Variants in ZFHX3 observed in about 807,000 individuals in gnomAD.
ZFHX3 encodes the protein zinc finger homeobox protein 3.
In ZFHX3, 42 loss-of-function variants were observed where a neutral mutation model predicts 279.1. That is an observed-to-expected ratio of 0.15 (90% CI 0.12 to 0.19). The LOEUF is 0.19. Among genes scored for constraint, ZFHX3 ranks in the 10% least tolerant of loss-of-function variants. The pLI is 1.00. For missense variants in ZFHX3, 4,981 were observed against 4,754.0 expected, an observed-to-expected ratio of 1.05 and a Z score of -1.40; for synonymous variants, 2,293 against 1,957.8, an observed-to-expected ratio of 1.17 and a Z score of -4.52.
At position 72,793,697 on chromosome 16, in the gene ZFHX3, C is replaced by G. The variant is rs2143385007; in HGVS notation, c.8985G>C (p.Gln2995His). The change falls in exon 9 of 10, where the codon CAG becomes CAC. Residue 2995 changes from glutamine to histidine, a missense_variant. Gln to His is a conservative substitution (Grantham distance 24). Transcript: ENST00000268489. The surrounding 1 kb of genome is among the most constrained non-coding windows in gnomAD (Gnocchi z 4.3). ...ACTTCTTTTCTTTTGCCCGGGCATT[C>G]TGGAACCAGACCTGAACGACTCTCT... ...LPKRVVQVWF[Q>H]NARAKEKKSK... The G allele has an allele frequency of 6.2e-7, 1 of 1,614,176 alleles. No individual in the cohort carries two copies. Among genetic ancestry groups the G allele is most frequent in the Non-Finnish European group, 8.5e-7 (1 of 1,180,034 alleles).
chr16:73,026,877 G>A (rs1964531151), intron 1 of ZFHX3, among the ~76,000 whole-genome samples: 1 of 152,272 alleles, frequency 6.6e-6, no homozygotes, highest in East Asian at 1.9e-4. Flanking sequence ...ACTTACCCAA[G>A]GTCACACAGC....
intron 5 of ZFHX3, among the ~76,000 whole-genome samples, chr16:73,170,123 T>C (rs1055911621): frequency 2.6e-5 from 4 of 152,000 alleles, no homozygotes; most frequent in Admixed American, 6.6e-5. Flanking sequence ...GGATGATTAT[T>C]AATGTCCTGA....
At chr16:72,907,785 G>C (rs2039220185) in intron 3 of ZFHX3, among the ~76,000 whole-genome samples, 1 of 151,560 alleles carries the variant, frequency 6.6e-6, no homozygotes, top group South Asian at 2.1e-4. Context: ...CCAGGCTCAA[G>C]TGATCCTCCC....
intron 4 of ZFHX3, among the ~76,000 whole-genome samples, chr16:72,842,182 C>T (rs547643130): frequency 2.0e-5 from 3 of 152,256 alleles, no homozygotes; most frequent in African/African-American, 7.2e-5. Flanking sequence ...CGTCCCCAAA[C>T]TTTCATAAGT....
At chr16:73,077,051 T>C (rs1468836531) in intron 8 of ZFHX3, among the ~76,000 whole-genome samples, 2 of 152,136 alleles carry the variant, frequency 1.3e-5, no homozygotes. Flanking sequence ...ACTATTCCCC[T>C]CCTTTGGGAC....
At chr16:73,189,044 A>G (rs1451099304) in intron 5 of ZFHX3, among the ~76,000 whole-genome samples, 2 of 151,936 alleles carry the variant, frequency 1.3e-5, no homozygotes, top group Admixed American at 1.3e-4. Context: ...TTGTATTTTT[A>G]GTAAAGACAG....
At chr16:73,045,527 C>G (rs906782698) in intron 1 of ZFHX3, among the ~76,000 whole-genome samples, 1 of 152,112 alleles carries the variant, frequency 6.6e-6, no homozygotes, top group South Asian at 2.1e-4. Context: ...TGGAGGGCAC[C>G]GTTTTAGATG....
intron 3 of ZFHX3, among the ~76,000 whole-genome samples, chr16:73,394,916 G>T (rs569152648): frequency 3.9e-5 from 6 of 152,162 alleles, no homozygotes; most frequent in Non-Finnish European, 5.9e-5. Context: ...TTTGCCTTGG[G>T]ATTGAAAGTT....
chr16:72,932,107 C>G (rs533018032), intron 3 of ZFHX3, among the ~76,000 whole-genome samples: 4 of 152,284 alleles, frequency 2.6e-5, no homozygotes, highest in African/African-American at 7.2e-5. Context: ...TATAGTTCCC[C>G]TGAGTGTCCT....
intron 2 of ZFHX3, among the ~76,000 whole-genome samples, chr16:73,500,774 CTG>C (rs1224705115): frequency 5.7e-5 from 8 of 139,134 alleles, no homozygotes; most frequent in Non-Finnish European, 3.1e-5. Flanking sequence ...GTGTTTTAAG[CTG>C]TGTTATTCCA....
intron 5 of ZFHX3, among the ~76,000 whole-genome samples, chr16:73,170,493 G>A (rs1313585286): frequency 6.6e-6 from 1 of 152,092 alleles, no homozygotes; most frequent in Non-Finnish European, 1.5e-5. Context: ...GCCTCTCAAA[G>A]TGCTGGGATT....
intron 2 of ZFHX3, among the ~76,000 whole-genome samples, chr16:73,637,564 G>C (rs1186901025): frequency 6.6e-6 from 1 of 152,026 alleles, no homozygotes; most frequent in Non-Finnish European, 1.5e-5. Context: ...AGGTTGAAAA[G>C]AATGTGAGTA....
In ZFHX3 at chr16:72,785,570, C is replaced by CCTT. The variant is rs2035332267; in HGVS notation, c.*1591_*1593dup. 6.6e-6 allele frequency: 1 copy of CCTT among 152,492 alleles called. No individual in the cohort carries two copies. The highest frequency in any genetic ancestry group is 2.4e-5 in the African/African-American group (1 of 41,386). 9.4% of individuals were successfully genotyped at this position (152,492 alleles called of 1,614,324 possible). A position where few individuals can be genotyped will look rare whatever the true frequency, so the allele number is the denominator to read the frequency against. ...AAACAAATTCTCAAGTAACAAGAAC[C>CCTT]CTTTCCCTTTTTTCTGCATCAGCAG... On this transcript the variant is annotated 3_prime_UTR_variant, in exon 10 of 10. Transcript: ENST00000268489.
chr16:73,726,783 C>T (rs1188015917), intron 1 of ZFHX3, among the ~76,000 whole-genome samples: 3 of 152,164 alleles, frequency 2.0e-5, no homozygotes, highest in Non-Finnish European at 4.4e-5. Context: ...AGCACTCAAG[C>T]CATGAGGGAC....
At chr16:73,807,832 T>TTA in intron 1 of ZFHX3, among the ~76,000 whole-genome samples, 1 of 151,872 alleles carries the variant, frequency 6.6e-6, no homozygotes, top group Non-Finnish European at 1.5e-5. Flanking sequence ...GGGACTCTAA[T>TTA]GTCTTTTTTT....
At chr16:73,492,252 C>T (rs1177819946) in intron 2 of ZFHX3, among the ~76,000 whole-genome samples, 1 of 152,164 alleles carries the variant, frequency 6.6e-6, no homozygotes, top group Non-Finnish European at 1.5e-5. Flanking sequence ...CTTAAACAAG[C>T]CACTCCTGAC....
intron 1 of ZFHX3, among the ~76,000 whole-genome samples, chr16:73,030,974 C>G (rs535850250): frequency 6.6e-6 from 1 of 152,306 alleles, no homozygotes; most frequent in East Asian, 1.9e-4. Context: ...CCACACTTCT[C>G]CACCCCTTGT....
chr16:73,272,085 C>T lies in ZFHX3; in HGVS notation c.-1193-14949G>A, dbSNP rs777330775. On this transcript the variant is annotated intron_variant, in intron 4 of 17. Coordinates refer to the ZFHX3 transcript ENST00000641206. The stretch of plus-strand genomic sequence containing the variant: ...CCTATGGGATAACATTCATCCATGT[C>T]GAAGTTTTCATCCGTCTGAAGCAAA... Among the ~76,000 whole-genome samples the T allele has an allele frequency of 2.6e-4, 40 of 152,114 alleles. 1 individual carries two copies. Among genetic ancestry groups the T allele is most frequent in the Non-Finnish European group, 4.3e-4 (29 of 68,030 alleles).
At chr16:72,805,353 T>C (rs185401372) in intron 7 of ZFHX3, among the ~76,000 whole-genome samples, 4 of 152,304 alleles carry the variant, frequency 2.6e-5, no homozygotes, top group East Asian at 1.9e-4. Context: ...CGCCTTGGCA[T>C]TGCTCACTTT....
Sources: allele counts gnomAD v4.1 joint callset (sites outside exome capture counted in the v4.1 genomes callset), GRCh38; gene constraint gnomAD v4.1.1; non-coding constraint Gnocchi (gnomAD v3.1); transcripts MANE v1.5; gene names NCBI Gene and HGNC (gene_info 2026-07-23, HGNC 2026-07-21).